The following CPQ variants were observed in gnomAD, a reference collection of about 807,000 sequenced individuals.
CPQ encodes the protein Ser-Met dipeptidase.
A neutral mutation model predicts 45.7 loss-of-function variants in CPQ; 37 were observed. That is an observed-to-expected ratio of 0.81 (90% CI 0.62 to 1.07). The LOEUF is 1.07. Ranked by LOEUF, CPQ falls within the 50% of genes least tolerant of loss-of-function variation. The pLI, the probability that CPQ is intolerant of heterozygous loss-of-function variation, is 0.00. For missense variants in CPQ, 537 were observed against 572.9 expected (o/e 0.94, Z 0.64); for synonymous variants, 186 against 205.8 (o/e 0.90, Z 0.82).
At chr8:96,875,703 T>A (rs1223828174) in intron 3 of CPQ, among the ~76,000 whole-genome samples, 1 of 151,968 alleles carries the variant, frequency 6.6e-6, no homozygotes. Flanking sequence ...TATAGTTTTA[T>A]GGTAAGTTTT....
intron 1 of CPQ, among the ~76,000 whole-genome samples, chr8:96,682,754 A>G (rs1235727915): frequency 2.6e-5 from 4 of 152,160 alleles, no homozygotes; most frequent in Admixed American, 2.0e-4. Context: ...TGATATAACT[A>G]TCACTATTCC....
At chr8:96,951,191 T>G (rs1407266245) in intron 4 of CPQ, among the ~76,000 whole-genome samples, 1 of 152,112 alleles carries the variant, frequency 6.6e-6, no homozygotes, top group Non-Finnish European at 1.5e-5. Flanking sequence ...TCTTCTCCAT[T>G]CCCCATGCTT....
At chr8:96,808,382 T>A (rs190322765) in intron 2 of CPQ, among the ~76,000 whole-genome samples, 1 of 152,278 alleles carries the variant, frequency 6.6e-6, no homozygotes, top group East Asian at 1.9e-4. Context: ...TGAGCCTGGC[T>A]ACACAGAGCA....
intron 7 of CPQ, among the ~76,000 whole-genome samples, chr8:97,116,636 C>T (rs920431978): frequency 4.6e-5 from 7 of 152,200 alleles, no homozygotes; most frequent in African/African-American, 1.7e-4. Flanking sequence ...TTCTGCAAGG[C>T]AGAGAGTGTG....
chr8:97,116,265 A>C (rs750662355), intron 7 of CPQ, among the ~76,000 whole-genome samples: 1 of 152,238 alleles, frequency 6.6e-6, no homozygotes, highest in Non-Finnish European at 1.5e-5. Context: ...TAGATGTCTG[A>C]ATTCCTCAGG....
intron 6 of CPQ, among the ~76,000 whole-genome samples, chr8:97,041,140 T>G (rs1374665147): frequency 6.6e-6 from 1 of 152,258 alleles, no homozygotes; most frequent in Non-Finnish European, 1.5e-5. Context: ...TCCATTTCTT[T>G]GTATCCTCTT....
intron 1 of CPQ, among the ~76,000 whole-genome samples, chr8:96,674,266 T>G (rs191452339): frequency 1.3e-5 from 2 of 152,262 alleles, no homozygotes; most frequent in East Asian, 3.9e-4. Flanking sequence ...TTCCTGAACC[T>G]TTTTTCCCCC....
chr8:96,681,694 A>G (rs1339296030), intron 1 of CPQ, among the ~76,000 whole-genome samples: 1 of 152,186 alleles, frequency 6.6e-6, no homozygotes, highest in African/African-American at 2.4e-5. Context: ...ATCCACTGAT[A>G]GCTTGCACCA....
chr8:96,970,612 G>A (rs1310659784), intron 5 of CPQ, among the ~76,000 whole-genome samples: 2 of 150,358 alleles, frequency 1.3e-5, no homozygotes, highest in African/African-American at 4.9e-5. Context: ...CGCCCAGGCT[G>A]GAGTGCAGTG....
At chr8:96,715,072 AT>A (rs1298020029) in intron 1 of CPQ, among the ~76,000 whole-genome samples, 2 of 144,786 alleles carry the variant, frequency 1.4e-5, no homozygotes, top group Non-Finnish European at 2.9e-5. Context: ...ATTTTAATTT[AT>A]TTTTTTCCCC....
intron 5 of CPQ, among the ~76,000 whole-genome samples, chr8:96,979,886 G>A (rs959195838): frequency 6.6e-6 from 1 of 152,144 alleles, no homozygotes; most frequent in African/African-American, 2.4e-5. Flanking sequence ...TTATCGATGA[G>A]CTGATGCTTG....
intron 7 of CPQ, among the ~76,000 whole-genome samples, chr8:97,117,754 G>T (rs1330926233): frequency 6.6e-6 from 1 of 151,974 alleles, no homozygotes; most frequent in African/African-American, 2.4e-5. Flanking sequence ...GCCCAGGCTG[G>T]TCTCAAACTT....
At position 96,824,328 on chromosome 8, in the gene CPQ, A is replaced by G. The variant is rs545732931; in HGVS notation, c.434-10645A>G. ...GCAGTAATACCTATCATATAGGGACATAAGGATTACATTAAATAATACATG... is the reference window on the plus strand; with the variant it reads ...GCAGTAATACCTATCATATAGGGACGTAAGGATTACATTAAATAATACATG... On this transcript the variant is annotated intron_variant, in intron 2 of 7. Coordinates refer to ENST00000220763, the MANE Select transcript of CPQ (RefSeq NM_016134.4). 1.5e-4 allele frequency among the ~76,000 whole-genome samples: 23 copies of G among 152,216 alleles called. No homozygotes were observed. The East Asian group carries it at 4.1e-3, about 27-fold the overall frequency.
chr8:96,786,249 G>A (rs1406132909), intron 2 of CPQ, among the ~76,000 whole-genome samples: 1 of 152,004 alleles, frequency 6.6e-6, no homozygotes, highest in Non-Finnish European at 1.5e-5. Context: ...CTTATTCTGG[G>A]CATTTTACAT....
chr8:97,110,476 T>C (rs1225824815), intron 7 of CPQ, among the ~76,000 whole-genome samples: 1 of 152,226 alleles, frequency 6.6e-6, no homozygotes, highest in Non-Finnish European at 1.5e-5. Flanking sequence ...TGGAAAAATA[T>C]CTAGGAGTGG....
intron 2 of CPQ, among the ~76,000 whole-genome samples, chr8:96,833,789 C>T (rs1313881124): frequency 6.6e-6 from 1 of 152,292 alleles, no homozygotes. Flanking sequence ...GAAATTCAGT[C>T]TGGATCATGG....
intron 4 of CPQ, among the ~76,000 whole-genome samples, chr8:96,910,570 T>C (rs1812646675): frequency 6.6e-6 from 1 of 152,198 alleles, no homozygotes; most frequent in Non-Finnish European, 1.5e-5. Context: ...AGTGGTGTGA[T>C]GTCAGCTCAC....
intron 1 of CPQ, among the ~76,000 whole-genome samples, chr8:96,751,539 C>A (rs949452507): frequency 1.3e-5 from 2 of 152,088 alleles, no homozygotes; most frequent in African/African-American, 4.8e-5. Context: ...AGATATTAGA[C>A]CTCTCTCAGA....
At chr8:97,067,593 G>A (rs926844722) in intron 7 of CPQ, among the ~76,000 whole-genome samples, 3 of 152,034 alleles carry the variant, frequency 2.0e-5, no homozygotes, top group Non-Finnish European at 4.4e-5. Context: ...TTTTTAAAAA[G>A]CTTATTCTTG....
Sources: allele counts gnomAD v4.1 joint callset (sites outside exome capture counted in the v4.1 genomes callset), GRCh38; gene constraint gnomAD v4.1.1; transcripts MANE v1.5; gene names NCBI Gene and HGNC (gene_info 2026-07-23, HGNC 2026-07-21).